The following TNFRSF1B variants were observed in gnomAD, a reference collection of about 807,000 sequenced individuals.
TNFRSF1B encodes TNF receptor superfamily member 1B.
In TNFRSF1B, 19 loss-of-function variants were observed where a neutral mutation model predicts 44.6. That is an observed-to-expected ratio of 0.43 (90% confidence interval 0.30 to 0.62). The LOEUF (loss-of-function observed/expected upper bound fraction) is 0.62, where lower values mean the gene tolerates loss of function less well. Ranked by LOEUF, TNFRSF1B falls within the 20% of genes least tolerant of loss-of-function variation. The probability of loss-of-function intolerance (pLI) is 0.16; values close to 1 mark genes in which losing one functional copy is unlikely to be tolerated. For missense variants in TNFRSF1B, 541 were observed against 619.9 expected (o/e 0.87, Z 1.35); for synonymous variants, 252 against 261.1 (o/e 0.97, Z 0.34).
Position 12,206,994 on chromosome 1 carries a change from C to T in TNFRSF1B, c.1360C>T (p.Pro454Ser), listed in dbSNP as rs752294850. The change falls in exon 10 of 10, where the codon CCT becomes TCT. Residue 454 changes from proline to serine, a missense_variant. Transcript: ENST00000376259. ...TEEKPLPLGV[P>S]DAGMKPS ...AGAGAAGCCCCTGCCCCTTGGAGTGCCTGATGCTGGGATGAAGCCCAGTTA... is the reference window on the plus strand; with the variant it reads ...AGAGAAGCCCCTGCCCCTTGGAGTGTCTGATGCTGGGATGAAGCCCAGTTA... 3.8e-6 allele frequency: 6 copies of T among 1,594,218 alleles called. No homozygotes were observed. Among genetic ancestry groups the T allele is most frequent in the African/African-American group, 1.3e-5 (1 of 74,630 alleles).
chr1:12,203,806 C>A (rs955739582), intron 9 of TNFRSF1B, among the ~76,000 whole-genome samples: 2 of 152,164 alleles, frequency 1.3e-5, no homozygotes, highest in Non-Finnish European at 2.9e-5. Context: ...ATCTGCTCAC[C>A]GCAGCCTCCG....
At chr1:12,193,288 G>C in intron 6 of TNFRSF1B, 190 bp downstream of exon 6, 1 of 704,398 alleles carries the variant, frequency 1.4e-6, no homozygotes, top group South Asian at 1.5e-5. Context: ...CCCTAAGTGC[G>C]TGGGCTGGAT....
At chr1:12,181,093 G>C (rs1638792593) in intron 1 of TNFRSF1B, among the ~76,000 whole-genome samples, 1 of 152,148 alleles carries the variant, frequency 6.6e-6, no homozygotes, top group African/African-American at 2.4e-5. Context: ...AACGGGCCTG[G>C]TGCCAGCCTG....
rs1161587264 is a variant in TNFRSF1B at position 12,187,714 on chromosome 1, A to G, written c.79-1082A>G. Among the ~76,000 whole-genome samples, 2 of 152,236 alleles carry G rather than the reference A, an allele frequency of 1.3e-5. No individual in the cohort carries two copies. The highest frequency in any genetic ancestry group is 4.8e-5 in the African/African-American group (2 of 41,464). On this transcript the variant is annotated intron_variant, in intron 1 of 9. Transcript: ENST00000376259. The surrounding 1 kb of genome is among the most constrained non-coding windows in gnomAD (Gnocchi z 5.5). ...CTGAGACCACACACCTGTCTCAGGTAGGGTCTTCCAGAAGCAGAGCCTGAG... is the reference window on the plus strand; with the variant it reads ...CTGAGACCACACACCTGTCTCAGGTGGGGTCTTCCAGAAGCAGAGCCTGAG...
At chr1:12,179,109 C>T (rs1171667883) in intron 1 of TNFRSF1B, among the ~76,000 whole-genome samples, 1 of 152,118 alleles carries the variant, frequency 6.6e-6, no homozygotes, top group Non-Finnish European at 1.5e-5. Context: ...TCTTTGTACC[C>T]TGGCATTTAG....
In TNFRSF1B at chr1:12,168,804, C is replaced by T. The variant is rs149637077; in HGVS notation, c.78+1635C>T. Among the ~76,000 whole-genome samples, 21 of 152,176 alleles carry T rather than the reference C, an allele frequency of 1.4e-4. No homozygotes were observed. Among genetic ancestry groups the T allele is most frequent in the African/African-American group, 4.8e-4 (20 of 41,438 alleles). On this transcript the variant is annotated intron_variant, in intron 1 of 9. Coordinates refer to ENST00000376259, the MANE Select transcript of TNFRSF1B (RefSeq NM_001066.3). This position sits in a 1 kb window ranked among gnomAD's most constrained non-coding sequence, Gnocchi z 4.7. ...CTTGTAGCTGGTCTCCCGGCCCTGCCCCCTCTCCCGCTGATCCTTGGCAGA... is the reference window on the plus strand; with the variant it reads ...CTTGTAGCTGGTCTCCCGGCCCTGCTCCCTCTCCCGCTGATCCTTGGCAGA...
intron 8 of TNFRSF1B, among the ~76,000 whole-genome samples, chr1:12,200,174 C>T (rs1214936642): frequency 6.6e-6 from 1 of 152,072 alleles, no homozygotes; most frequent in Non-Finnish European, 1.5e-5. Context: ...AAGGATAACA[C>T]TGGGTTGTTG....
At chr1:12,191,314 G>T (rs1252157109) in intron 3 of TNFRSF1B, among the ~76,000 whole-genome samples, 1 of 152,248 alleles carries the variant, frequency 6.6e-6, no homozygotes, top group Non-Finnish European at 1.5e-5. Flanking sequence ...CCACGTGAGG[G>T]TTGAGGAGGT....
chr1:12,183,826 C>CTATCTATCTATCTATCTAT (rs1557629489), intron 1 of TNFRSF1B, among the ~76,000 whole-genome samples: 1 of 124,386 alleles, frequency 8.0e-6, no homozygotes, highest in Admixed American at 7.5e-5. Flanking sequence ...ATTCTATCTA[C>CTATCTATCTATCTATCTAT]CTATCTATCT....
chr1:12,178,015 C>T lies in TNFRSF1B; in HGVS notation c.79-10781C>T, dbSNP rs1352768905. On this transcript the variant is annotated intron_variant, in intron 1 of 9. Coordinates refer to ENST00000376259, the MANE Select transcript of TNFRSF1B (RefSeq NM_001066.3). This position sits in a 1 kb window ranked among gnomAD's most constrained non-coding sequence, Gnocchi z 4.3. ...ACTAGAGGCAGAGCCAAGACTCCAC[C>T]CCAGGTGGCCAGGCTCCTGAGCGCT... 1.3e-5 allele frequency among the ~76,000 whole-genome samples: 2 copies of T among 152,110 alleles called. No individual in the cohort carries two copies. The highest frequency in any genetic ancestry group is 2.4e-5 in the African/African-American group (1 of 41,416).
At chr1:12,191,477 G>A (rs1440718675) in intron 3 of TNFRSF1B, among the ~76,000 whole-genome samples, 1 of 151,828 alleles carries the variant, frequency 6.6e-6, no homozygotes, top group Non-Finnish European at 1.5e-5. Context: ...GGAGGAGCGG[G>A]ACTGTGGGGA....
At chr1:12,198,435 A>G (rs1318205280) in intron 8 of TNFRSF1B, among the ~76,000 whole-genome samples, 1 of 152,230 alleles carries the variant, frequency 6.6e-6, no homozygotes. Flanking sequence ...TCGCCACCCC[A>G]GCGCACACAC....
intron 1 of TNFRSF1B, among the ~76,000 whole-genome samples, chr1:12,172,344 G>C (rs1367676864): frequency 1.3e-5 from 2 of 152,240 alleles, no homozygotes; most frequent in African/African-American, 4.8e-5. Flanking sequence ...ACCTGGGCAA[G>C]TCTTTCTATC....
chr1:12,208,004 A>G lies in TNFRSF1B; in HGVS notation c.*984A>G, dbSNP rs1639550715. 1 of 152,164 alleles carries G rather than the reference A, an allele frequency of 6.6e-6. No individual in the cohort carries two copies. Among genetic ancestry groups the G allele is most frequent in the East Asian group, 1.9e-4 (1 of 5,194 alleles). 9.4% of individuals were successfully genotyped at this position (152,164 alleles called of 1,614,324 possible). ...GCCCAGAGGGCCCAGGCAGGCCACCATATTCAGTGCTGTGGCCTGGGCAAG... is the reference window on the plus strand; with the variant it reads ...GCCCAGAGGGCCCAGGCAGGCCACCGTATTCAGTGCTGTGGCCTGGGCAAG... On this transcript the variant is annotated 3_prime_UTR_variant, in exon 10 of 10. Transcript: ENST00000376259.
intron 8 of TNFRSF1B, 118 bp downstream of exon 8, chr1:12,194,736 A>C: frequency 7.5e-6 from 10 of 1,341,410 alleles, no homozygotes; most frequent in Non-Finnish European, 1.1e-5. Flanking sequence ...GGAGGTGTGC[A>C]GAGCCCTGGG....
intron 1 of TNFRSF1B, among the ~76,000 whole-genome samples, chr1:12,183,805 G>GCTAT (rs1293805495): frequency 2.0e-4 from 20 of 101,774 alleles, no homozygotes; most frequent in Admixed American, 1.8e-3. Context: ...TATCTATCTA[G>GCTAT]CTATCTATCT....
intron 1 of TNFRSF1B, among the ~76,000 whole-genome samples, chr1:12,184,656 C>T (rs1557629948): frequency 6.6e-6 from 1 of 152,218 alleles, no homozygotes; most frequent in Non-Finnish European, 1.5e-5. Flanking sequence ...TCGTCCATTG[C>T]GGCTCTTGAG....
In TNFRSF1B at chr1:12,191,449, G is replaced by T. The variant is rs1027767432; in HGVS notation, c.308-325G>T. Among the ~76,000 whole-genome samples the T allele has an allele frequency of 4.6e-5, 7 of 151,936 alleles. No individual in the cohort carries two copies. The East Asian group carries it at 1.4e-3, about 29-fold the overall frequency. ...ACTTCGGGGAGGAGCGGCACTGCGG[G>T]GAGGAGCAGGACTGCAGGGAGGAGC... is the stretch of plus-strand genomic sequence containing the variant. On this transcript the variant is annotated intron_variant, in intron 3 of 9. Coordinates refer to ENST00000376259, the MANE Select transcript of TNFRSF1B (RefSeq NM_001066.3).
At position 12,192,618 on chromosome 1, in the gene TNFRSF1B, A is replaced by G. The variant is rs1440899502; in HGVS notation, c.551+94A>G. 1.4e-5 allele frequency: 17 copies of G among 1,250,426 alleles called. No individual in the cohort carries two copies. In the Admixed American group the frequency reaches 2.3e-4, roughly 17 times the overall value. 77.5% of individuals were successfully genotyped at this position (1,250,426 alleles called of 1,614,324 possible). ...GACACAGAGCAGCTCACCAACCACCATTGTCCAGACTGCTTTATCTGAGGG... is the reference window on the plus strand; with the variant it reads ...GACACAGAGCAGCTCACCAACCACCGTTGTCCAGACTGCTTTATCTGAGGG... On this transcript the variant is annotated intron_variant, in intron 5 of 9. Transcript: ENST00000376259.
Sources: gnomAD v4.1 joint callset for allele counts (sites outside exome capture counted in the v4.1 genomes callset) on GRCh38, gnomAD v4.1.1 for gene constraint, Gnocchi (gnomAD v3.1) non-coding constraint, MANE v1.5 for transcripts, NCBI Gene and HGNC (gene_info 2026-07-23, HGNC 2026-07-21) for gene names.